RBFOX1: variants seen among roughly 807,000 people sequenced by gnomAD.
RBFOX1 encodes RNA binding protein fox-1 homolog 1.
RBFOX1 carries 8 observed loss-of-function variants against 57.7 expected under a neutral mutation model. That is an observed-to-expected ratio of 0.14 (90% confidence interval 0.08 to 0.25). The LOEUF (loss-of-function observed/expected upper bound fraction) is 0.25, where lower values mean the gene tolerates loss of function less well. Ranked by LOEUF, RBFOX1 falls within the 10% of genes least tolerant of loss-of-function variation. RBFOX1 has a pLI of 1.00. For missense variants in RBFOX1, 611 were observed against 548.5 expected, an observed-to-expected ratio of 1.11 and a Z score of -1.14; for synonymous variants, 326 against 222.4, an observed-to-expected ratio of 1.47 and a Z score of -4.15.
chr16:5,710,367 G>A (rs1440790085), intron 3 of RBFOX1, among the ~76,000 whole-genome samples: 1 of 152,180 alleles, frequency 6.6e-6, no homozygotes, highest in African/African-American at 2.4e-5. Context: ...GCCTTCTCCT[G>A]CTAGTGCCAT....
At chr16:6,398,750 C>T (rs1471810826) in intron 2 of RBFOX1, among the ~76,000 whole-genome samples, 1 of 152,218 alleles carries the variant, frequency 6.6e-6, no homozygotes, top group South Asian at 2.1e-4. Context: ...CTTTCATGGG[C>T]TGGCATTGAG....
chr16:6,358,713 A>C (rs1375402734), intron 2 of RBFOX1, among the ~76,000 whole-genome samples: 3 of 152,190 alleles, frequency 2.0e-5, no homozygotes, highest in African/African-American at 7.2e-5. Context: ...AAGGCTAGTA[A>C]GAGGTGAAGC....
At chr16:7,363,833 AT>A (rs770871557) in intron 4 of RBFOX1, among the ~76,000 whole-genome samples, 1 of 151,796 alleles carries the variant, frequency 6.6e-6, no homozygotes, top group Non-Finnish European at 1.5e-5. Flanking sequence ...AGTCTTCTTG[AT>A]GTTTATTATC....
chr16:7,356,088 A>T (rs962974615), intron 4 of RBFOX1, among the ~76,000 whole-genome samples: 4 of 152,250 alleles, frequency 2.6e-5, no homozygotes, highest in African/African-American at 9.6e-5. Flanking sequence ...TGGTGCTCCA[A>T]TGCATTGATT....
At chr16:6,633,503 C>G (rs12922171) in intron 2 of RBFOX1, among the ~76,000 whole-genome samples, 1 of 151,760 alleles carries the variant, frequency 6.6e-6, no homozygotes, top group Non-Finnish European at 1.5e-5. Context: ...CATGTTGAGC[C>G]GGCTGATCTT....
At chr16:5,779,129 G>C (rs759202907) in intron 3 of RBFOX1, among the ~76,000 whole-genome samples, 22 of 152,076 alleles carry the variant, frequency 1.4e-4, no homozygotes, top group Admixed American at 1.2e-3. Context: ...ACAAGTTTAG[G>C]GTGAATTTGA....
At chr16:6,001,790 G>A (rs1438237507) in intron 4 of RBFOX1, among the ~76,000 whole-genome samples, 1 of 152,054 alleles carries the variant, frequency 6.6e-6, no homozygotes, top group Non-Finnish European at 1.5e-5. Flanking sequence ...CATGAGGGTG[G>A]TGCACAGATG....
chr16:7,018,353 C>G (rs902625435), intron 3 of RBFOX1, among the ~76,000 whole-genome samples: 3 of 152,134 alleles, frequency 2.0e-5, no homozygotes, highest in African/African-American at 4.8e-5. Context: ...CAGGCCACCT[C>G]CATTAAGAGT....
chr16:6,237,639 G>A (rs536365645), intron 1 of RBFOX1, among the ~76,000 whole-genome samples: 2 of 152,122 alleles, frequency 1.3e-5, no homozygotes, highest in African/African-American at 4.8e-5. Flanking sequence ...CTACTTGGGA[G>A]GGTGGGGAAG....
chr16:7,448,573 C>G (rs1255550867), intron 4 of RBFOX1, among the ~76,000 whole-genome samples: 1 of 152,146 alleles, frequency 6.6e-6, no homozygotes, highest in Admixed American at 6.5e-5. Flanking sequence ...CCAACCGGGT[C>G]CCTCCCATGA....
At chr16:5,516,673 T>C (rs79541851) in intron 2 of RBFOX1, among the ~76,000 whole-genome samples, 1,989 of 152,260 alleles carry the variant, frequency 0.013, 53 homozygotes, top group African/African-American at 0.046. Context: ...ATAATCCCCA[T>C]ATGTCATGGG....
chr16:6,984,066 G>A (rs541547808), intron 3 of RBFOX1, among the ~76,000 whole-genome samples: 36 of 152,226 alleles, frequency 2.4e-4, no homozygotes, highest in Admixed American at 9.2e-4. Context: ...TGATCAACAT[G>A]GAGAAACCCT....
At chr16:7,115,426 T>C (rs2065680729) in intron 4 of RBFOX1, among the ~76,000 whole-genome samples, 1 of 152,240 alleles carries the variant, frequency 6.6e-6, no homozygotes, top group Admixed American at 6.5e-5. Flanking sequence ...TACCTATTGC[T>C]ATGTAATTAC....
At chr16:6,089,755 A>G (rs988459021) in intron 1 of RBFOX1, among the ~76,000 whole-genome samples, 2 of 152,140 alleles carry the variant, frequency 1.3e-5, no homozygotes, top group Admixed American at 6.5e-5. Flanking sequence ...AGATTGGCCA[A>G]TATTAGAGGT....
At chr16:6,685,789 C>G (rs1238174526) in intron 3 of RBFOX1, among the ~76,000 whole-genome samples, 2 of 152,098 alleles carry the variant, frequency 1.3e-5, no homozygotes, top group African/African-American at 4.8e-5. Flanking sequence ...GAAATTTTAA[C>G]AAACAGCCTT....
At chr16:7,388,698 G>GT (rs1468393623) in intron 4 of RBFOX1, among the ~76,000 whole-genome samples, 1 of 60,204 alleles carries the variant, frequency 1.7e-5, no homozygotes, top group Non-Finnish European at 3.2e-5. Flanking sequence ...AAACCTTTCT[G>GT]TTTTTTCACA....
At position 7,019,027 on chromosome 16, in the gene RBFOX1, C is replaced by G. The variant is rs114979944; in HGVS notation, c.-15-33030C>G. ...AAAAAGAAAGCGTTCTTGTTCAGAA[C>G]TGAAAAAAACTGTTCCTGGTTTCCT... is the stretch of plus-strand genomic sequence containing the variant. On this transcript the variant is annotated intron_variant, in intron 3 of 15. Coordinates refer to ENST00000550418, the MANE Select transcript of RBFOX1 (RefSeq NM_018723.4). Among the ~76,000 whole-genome samples the G allele has an allele frequency of 8.5e-3, 1,285 of 151,958 alleles. 24 individuals are homozygous for G. The highest frequency in any genetic ancestry group is 0.029 in the African/African-American group (1,219 of 41,460).
chr16:5,823,875 A>T (rs1019369798), intron 3 of RBFOX1, among the ~76,000 whole-genome samples: 3 of 152,226 alleles, frequency 2.0e-5, no homozygotes, highest in African/African-American at 7.2e-5. Flanking sequence ...TATATTACAA[A>T]GTAATAATAT....
rs2086611990 is a variant in RBFOX1 at position 7,196,017 on chromosome 16, A to T, written c.27+143919A>T. ...TCTTCCAGGCTGTCACCGTCTGAAA[A>T]AAAAAATGTGAGTATCATATTTCCC... On this transcript the variant is annotated intron_variant, in intron 4 of 15. Transcript: ENST00000550418. Among the ~76,000 whole-genome samples the T allele has an allele frequency of 2.0e-5, 3 of 152,096 alleles. No homozygotes were observed. In the South Asian group the frequency reaches 6.2e-4, roughly 32 times the overall value.
Sources: gnomAD v4.1 joint callset for allele counts (sites outside exome capture counted in the v4.1 genomes callset) on GRCh38, gnomAD v4.1.1 for gene constraint, MANE v1.5 for transcripts, NCBI Gene and HGNC (gene_info 2026-07-23, HGNC 2026-07-21) for gene names.